Variants in EYS observed in about 807,000 individuals in gnomAD.
The protein encoded by EYS is EGF-like photoreceptor maintenance factor, also known as protein eyes shut homolog.
EYS carries 250 observed loss-of-function variants against 282.1 expected under a neutral mutation model. The ratio of observed to expected loss-of-function variants is 0.89; its 90% CI spans 0.80 to 0.98. The LOEUF is 0.98. Ranked by LOEUF, EYS falls within the 50% of genes least tolerant of loss-of-function variation. EYS has a pLI of 0.00. For missense variants in EYS, 4,016 were observed against 3,709.0 expected (o/e 1.08, Z -2.15); for synonymous variants, 1,355 against 1,282.9 (o/e 1.06, Z -1.20).
chr6:64,852,463 C>T (rs1765915387), intron 19 of EYS, among the ~76,000 whole-genome samples: 1 of 152,110 alleles, frequency 6.6e-6, no homozygotes, highest in African/African-American at 2.4e-5. Context: ...CTTCCTTGCT[C>T]CTCAGCTTGC....
chr6:63,772,572 G>T (rs1374031635), intron 40 of EYS, among the ~76,000 whole-genome samples: 1 of 151,910 alleles, frequency 6.6e-6, no homozygotes, highest in Non-Finnish European at 1.5e-5. Context: ...GGTTCTTTTT[G>T]TCTTTAGGCT....
chr6:63,846,674 C>T (rs1562057181), intron 36 of EYS, among the ~76,000 whole-genome samples: 2 of 152,110 alleles, frequency 1.3e-5, no homozygotes, highest in Admixed American at 6.6e-5. Flanking sequence ...GCTGTGTTAA[C>T]TTTATAATCT....
At chr6:63,804,686 C>G (rs888210778) in intron 37 of EYS, among the ~76,000 whole-genome samples, 2 of 152,054 alleles carry the variant, frequency 1.3e-5, no homozygotes, top group African/African-American at 4.8e-5. Flanking sequence ...GGGATCTGAT[C>G]CTGAAGGCCC....
intron 30 of EYS, among the ~76,000 whole-genome samples, chr6:64,245,988 C>T (rs962511309): frequency 8.3e-6 from 1 of 120,174 alleles, no homozygotes; most frequent in Non-Finnish European, 1.6e-5. Flanking sequence ...CACTGCAGTC[C>T]AGCCTGGGCG....
At chr6:64,631,191 A>G (rs190844379) in intron 22 of EYS, 46 of 152,338 alleles carry the variant, frequency 3.0e-4, no homozygotes, top group African/African-American at 1.0e-3. Context: ...ATGAGAACTC[A>G]GAACTTAACA....
At chr6:64,026,152 G>T (rs1308542278) in intron 33 of EYS, among the ~76,000 whole-genome samples, 1 of 152,108 alleles carries the variant, frequency 6.6e-6, no homozygotes, top group East Asian at 1.9e-4. Context: ...TGGGGCAGGG[G>T]TTGTTTCTGC....
intron 42 of EYS, among the ~76,000 whole-genome samples, chr6:63,725,081 C>T (rs186313009): frequency 3.3e-5 from 5 of 152,094 alleles, no homozygotes; most frequent in Admixed American, 1.3e-4. Context: ...TTTGGTTAAT[C>T]TAGGTTTAAG....
intron 33 of EYS, among the ~76,000 whole-genome samples, chr6:64,031,329 G>A (rs897554430): frequency 6.6e-5 from 10 of 152,184 alleles, no homozygotes; most frequent in South Asian, 2.1e-4. Flanking sequence ...TCAATTTCTC[G>A]CCAGGCCTTA....
At chr6:65,203,514 A>T (rs562394963) in intron 12 of EYS, among the ~76,000 whole-genome samples, 28 of 152,248 alleles carry the variant, frequency 1.8e-4, no homozygotes, top group Admixed American at 1.8e-3. Context: ...GGCCCCATAA[A>T]CGCAAAGCAA....
chr6:64,060,609 A>C (rs897227608), intron 33 of EYS, among the ~76,000 whole-genome samples: 2 of 152,204 alleles, frequency 1.3e-5, no homozygotes, highest in Admixed American at 6.5e-5. Context: ...TTTCTTAAAC[A>C]ACTGTGAGAA....
chr6:65,369,437 T>C (rs556705189), intron 8 of EYS, among the ~76,000 whole-genome samples: 76 of 150,424 alleles, frequency 5.1e-4, no homozygotes, highest in Non-Finnish European at 9.9e-4. Flanking sequence ...TGCATCTAAC[T>C]GTCAGACGCA....
chr6:64,414,414 G>A (rs966198347), intron 28 of EYS, among the ~76,000 whole-genome samples: 1 of 151,940 alleles, frequency 6.6e-6, no homozygotes, highest in African/African-American at 2.4e-5. Context: ...CACTTTCCAG[G>A]CAGCCTTGAT....
At chr6:64,675,084 A>G (rs1383142140) in intron 22 of EYS, among the ~76,000 whole-genome samples, 1 of 152,166 alleles carries the variant, frequency 6.6e-6, no homozygotes, top group Non-Finnish European at 1.5e-5. Context: ...AAATTCTAAT[A>G]CAAGTTTTAA....
chr6:64,199,592 T>TAA (rs1765399822), intron 31 of EYS, among the ~76,000 whole-genome samples: 3 of 152,088 alleles, frequency 2.0e-5, no homozygotes, highest in Admixed American at 6.5e-5. Flanking sequence ...CTAATTAAAC[T>TAA]AGAGAGCTTC....
chr6:64,403,933 A>T (rs1309403866), intron 28 of EYS, among the ~76,000 whole-genome samples: 2 of 152,140 alleles, frequency 1.3e-5, no homozygotes, highest in Non-Finnish European at 2.9e-5. Context: ...TTTGTTCGTG[A>T]ATCCAAAAAT....
intron 35 of EYS, among the ~76,000 whole-genome samples, chr6:63,934,294 G>C (rs1764987203): frequency 6.6e-6 from 1 of 152,192 alleles, no homozygotes; most frequent in African/African-American, 2.4e-5. Flanking sequence ...ACTTTACACT[G>C]TTGGTGGGAC....
intron 41 of EYS, among the ~76,000 whole-genome samples, chr6:63,754,422 T>C (rs534970135): frequency 6.6e-6 from 1 of 152,244 alleles, no homozygotes; most frequent in South Asian, 2.1e-4. Context: ...AGCTCCCACT[T>C]ATGAGTGAGA....
At chr6:64,004,066 A>T (rs1465109537) in intron 33 of EYS, among the ~76,000 whole-genome samples, 1 of 152,114 alleles carries the variant, frequency 6.6e-6, no homozygotes, top group East Asian at 1.9e-4. Context: ...TGAAATCTCT[A>T]CTTGTAGAAC....
intron 31 of EYS, among the ~76,000 whole-genome samples, chr6:64,149,300 T>A (rs1472421563): frequency 6.6e-6 from 1 of 152,160 alleles, no homozygotes; most frequent in African/African-American, 2.4e-5. Context: ...CAGGCAGAAA[T>A]TCTTTGTATA....
Sources: allele counts gnomAD v4.1 joint callset (sites outside exome capture counted in the v4.1 genomes callset), GRCh38; gene constraint gnomAD v4.1.1; transcripts MANE v1.5; gene names NCBI Gene and HGNC (gene_info 2026-07-23, HGNC 2026-07-21).